UBE2R2: variants seen among roughly 807,000 people sequenced by gnomAD.
UBE2R2 encodes ubiquitin-conjugating enzyme E2 R2.
Under a neutral mutation model 27.8 loss-of-function variants are expected in UBE2R2, and 1 was observed. That is an observed-to-expected ratio of 0.04 (90% CI 0.01 to 0.17). The LOEUF (loss-of-function observed/expected upper bound fraction) is 0.17, where lower values mean the gene tolerates loss of function less well. UBE2R2 is among the 10% of genes least tolerant of loss of function. UBE2R2 has a pLI of 1.00. For missense variants in UBE2R2, 100 were observed against 291.0 expected (o/e 0.34, Z 4.78); for synonymous variants, 106 against 113.3 (o/e 0.94, Z 0.41).
chr9:33,875,296 C>A (rs1821579412), intron 1 of UBE2R2, among the ~76,000 whole-genome samples: 1 of 152,142 alleles, frequency 6.6e-6, no homozygotes, highest in South Asian at 2.1e-4. Context: ...TCAAATCATA[C>A]CCTGAAATTA....
chr9:33,884,385 G>GT (rs1821809847), intron 1 of UBE2R2, among the ~76,000 whole-genome samples: 1 of 149,934 alleles, frequency 6.7e-6, no homozygotes, highest in South Asian at 2.1e-4. Flanking sequence ...CTGGGCTCAA[G>GT]TGATCCTCCC....
chr9:33,896,728 G>A (rs954287663), intron 2 of UBE2R2, among the ~76,000 whole-genome samples: 3 of 151,832 alleles, frequency 2.0e-5, no homozygotes, highest in African/African-American at 4.8e-5. Flanking sequence ...GGTTACAGGC[G>A]TGAGCCACCG....
intron 1 of UBE2R2, among the ~76,000 whole-genome samples, chr9:33,850,280 T>G (rs987949464): frequency 1.3e-5 from 2 of 152,130 alleles, no homozygotes; most frequent in Non-Finnish European, 2.9e-5. Context: ...GATCTAGAGC[T>G]CTAAAAATCA....
At chr9:33,819,801 G>T (rs1363288113) in intron 1 of UBE2R2, among the ~76,000 whole-genome samples, 1 of 152,158 alleles carries the variant, frequency 6.6e-6, no homozygotes, top group South Asian at 2.1e-4. Flanking sequence ...ACCACGCCCA[G>T]CTAATTTTTG....
chr9:33,831,738 C>T (rs1465215106), intron 1 of UBE2R2, among the ~76,000 whole-genome samples: 1 of 152,084 alleles, frequency 6.6e-6, no homozygotes, highest in Admixed American at 6.6e-5. Context: ...TGGCTCACTG[C>T]AAGTTTCGCT....
At chr9:33,861,027 C>T (rs1394380410) in intron 1 of UBE2R2, among the ~76,000 whole-genome samples, 3 of 150,798 alleles carry the variant, frequency 2.0e-5, no homozygotes, top group African/African-American at 4.9e-5. Context: ...GGCGCGATCT[C>T]GGCTCACTGC....
intron 3 of UBE2R2, among the ~76,000 whole-genome samples, chr9:33,909,225 G>T (rs1303478216): frequency 3.3e-5 from 5 of 151,896 alleles, no homozygotes; most frequent in Non-Finnish European, 7.4e-5. Context: ...GGTGGCTCAC[G>T]CCTGTAGTCC....
intron 1 of UBE2R2, among the ~76,000 whole-genome samples, chr9:33,831,734 A>C (rs990339308): frequency 2.6e-5 from 4 of 152,050 alleles, no homozygotes; most frequent in Non-Finnish European, 5.9e-5. Context: ...GTCTTGGCTC[A>C]CTGCAAGTTT....
chr9:33,867,729 G>A (rs1473019165), intron 1 of UBE2R2, among the ~76,000 whole-genome samples: 1 of 152,144 alleles, frequency 6.6e-6, no homozygotes, highest in African/African-American at 2.4e-5. Flanking sequence ...CTGCTTCCTG[G>A]GTACACGCCA....
chr9:33,886,158 T>C (rs892112326), intron 1 of UBE2R2, among the ~76,000 whole-genome samples: 1 of 152,226 alleles, frequency 6.6e-6, no homozygotes, highest in Non-Finnish European at 1.5e-5. Context: ...TCAGCATTTA[T>C]TATTTCTGGG....
chr9:33,825,625 A>T (rs1002610360), intron 1 of UBE2R2, among the ~76,000 whole-genome samples: 4 of 152,140 alleles, frequency 2.6e-5, no homozygotes, highest in African/African-American at 7.2e-5. Context: ...TTTCCAACTT[A>T]ATGGTCAGTT....
At chr9:33,823,226 CAG>C (rs1820197149) in intron 1 of UBE2R2, among the ~76,000 whole-genome samples, 1 of 151,316 alleles carries the variant, frequency 6.6e-6, no homozygotes, top group African/African-American at 2.4e-5. Context: ...ATTTTAGAGA[CAG>C]AGTCTCGCTA....
At chr9:33,893,197 C>T (rs1260619447) in intron 2 of UBE2R2, among the ~76,000 whole-genome samples, 2 of 152,194 alleles carry the variant, frequency 1.3e-5, no homozygotes, top group Non-Finnish European at 2.9e-5. Flanking sequence ...ACTTAAAATA[C>T]ACTACATATG....
intron 1 of UBE2R2, among the ~76,000 whole-genome samples, chr9:33,886,219 C>A (rs1381628880): frequency 6.6e-6 from 1 of 152,048 alleles, no homozygotes; most frequent in African/African-American, 2.4e-5. Flanking sequence ...TACCGTTGTT[C>A]CATATTGTGT....
upstream of UBE2R2, among the ~76,000 whole-genome samples, chr9:33,815,269 G>C (rs151330271): frequency 1.3e-5 from 2 of 152,304 alleles, no homozygotes; most frequent in Admixed American, 6.5e-5. Flanking sequence ...TGAGATCCTG[G>C]AACAGCAAAA....
At chr9:33,858,777 G>A (rs1821161062) in intron 1 of UBE2R2, among the ~76,000 whole-genome samples, 1 of 152,092 alleles carries the variant, frequency 6.6e-6, no homozygotes, top group Non-Finnish European at 1.5e-5. Context: ...CCAGGTAATA[G>A]TGTATTCTCT....
At chr9:33,858,681 C>T (rs1821159391) in intron 1 of UBE2R2, among the ~76,000 whole-genome samples, 1 of 152,058 alleles carries the variant, frequency 6.6e-6, no homozygotes, top group African/African-American at 2.4e-5. Flanking sequence ...TCTGGGATTA[C>T]AGGCATGAGT....
At chr9:33,874,449 G>C (rs1218063165) in intron 1 of UBE2R2, among the ~76,000 whole-genome samples, 1 of 151,756 alleles carries the variant, frequency 6.6e-6, no homozygotes, top group Non-Finnish European at 1.5e-5. Flanking sequence ...TTCTTCCTCC[G>C]TTGCCCTCTG....
intron 1 of UBE2R2, chr9:33,818,714 C>G (rs1289517572): frequency 6.6e-6 from 1 of 152,030 alleles, no homozygotes; most frequent in Non-Finnish European, 1.5e-5. Context: ...GAAGTATCCA[C>G]AAAGGGTGGA....
Sources: gnomAD v4.1 joint callset for allele counts (sites outside exome capture counted in the v4.1 genomes callset) on GRCh38, gnomAD v4.1.1 for gene constraint, MANE v1.5 for transcripts, NCBI Gene and HGNC (gene_info 2026-07-23, HGNC 2026-07-21) for gene names.